The following SI variants were observed in gnomAD, a reference collection of about 807,000 sequenced individuals.
SI encodes sucrase-isomaltase, also known as sucrase-isomaltase, intestinal.
Under a neutral mutation model 253.3 loss-of-function variants are expected in SI, and 235 were observed. The observed-to-expected ratio is 0.93, with a 90% CI of 0.83 to 1.03. The LOEUF is 1.03. SI is among the 50% of genes least tolerant of loss of function. SI has a pLI of 0.00. For missense variants in SI, 2,442 were observed against 2,211.1 expected (o/e 1.10, Z -2.09); for synonymous variants, 819 against 712.0 (o/e 1.15, Z -2.39).
At position 165,018,192 on chromosome 3, in the gene SI, A is replaced by G. The variant is rs1457393455; in HGVS notation, c.3424-126T>C. The G allele has an allele frequency of 4.5e-6, 3 of 660,184 alleles. No individual in the cohort carries two copies. The African/African-American group carries it at 5.4e-5, about 12-fold the overall frequency. The allele number at this position is 660,184 out of a possible 1,614,324, so 40.9% of individuals were successfully genotyped here. ...TTAAATTCCCGTTTCCCAACCTTAA[A>G]CTATGCTTCAGTTAAAATAAATGTG... On this transcript the variant is annotated intron_variant, in intron 28 of 47. Transcript: ENST00000264382.
At chr3:165,009,495 C>T (rs1718671598) in intron 34 of SI, 100 bp from the exon 35 acceptor site, 3 of 739,718 alleles carry the variant, frequency 4.1e-6, no homozygotes, top group Non-Finnish European at 7.4e-6. Context: ...TCATGTATGA[C>T]TGATAATGAA....
At chr3:165,076,041 A>C in intron 1 of SI, 29 bp from the exon 2 acceptor site, 3 of 1,375,848 alleles carry the variant, frequency 2.2e-6, no homozygotes, top group Non-Finnish European at 3.0e-6. Context: ...ATATATTTAA[A>C]ATGTAAAATA....
Position 165,069,214 on chromosome 3 carries a change from A to G in SI, c.256-19T>C, listed in dbSNP as rs1393745267. On this transcript the variant is annotated intron_variant, in intron 3 of 47. Coordinates refer to ENST00000264382, the MANE Select transcript of SI (RefSeq NM_001041.4). ...AAATTCCCTGATAAAATATTTTTAA[A>G]GGAATTATATAATTACTACTATTAT... 5 of 1,473,910 alleles carry G rather than the reference A, an allele frequency of 3.4e-6. No individual in the cohort carries two copies. The highest frequency in any genetic ancestry group is 4.7e-6 in the Non-Finnish European group (5 of 1,053,682). 91.3% of individuals were successfully genotyped at this position (1,473,910 alleles called of 1,614,324 possible).
chr3:165,014,760 G>A (rs937942753), intron 33 of SI, among the ~76,000 whole-genome samples: 2 of 152,062 alleles, frequency 1.3e-5, no homozygotes, highest in African/African-American at 4.8e-5. Context: ...GTCAAAACAT[G>A]TTGTTGCTAC....
intron 37 of SI, among the ~76,000 whole-genome samples, chr3:165,003,399 C>A (rs148556012): frequency 6.6e-6 from 1 of 152,008 alleles, no homozygotes; most frequent in South Asian, 2.1e-4. Context: ...ATATTGTGTT[C>A]CAGCAGGGTT....
chr3:165,036,784 A>G (rs1296428602), intron 21 of SI, among the ~76,000 whole-genome samples: 1 of 151,878 alleles, frequency 6.6e-6, no homozygotes, highest in Non-Finnish European at 1.5e-5. Context: ...AATTCAAACA[A>G]GAAAAATTAA....
At position 165,021,293 on chromosome 3, in the gene SI, C is replaced by A; in HGVS notation, c.3190G>T (p.Asp1064Tyr). The change falls in exon 27 of 48, where the codon GAT becomes TAT. Residue 1064 changes from aspartate (D) to tyrosine (Y), a missense_variant. Coordinates refer to ENST00000264382, the MANE Select transcript of SI (RefSeq NM_001041.4). ...AAAGGATTTTCCTTGATTTCCACAT[C>A]ATAAAGTCTGTCTTCATAAGTACTT... ...PISTYEDRLY[D>Y]VEIKENPFGI... 6.2e-7 allele frequency: 1 copy of A among 1,611,538 alleles called. No individual in the cohort carries two copies. The highest frequency in any genetic ancestry group is 1.3e-5 in the African/African-American group (1 of 74,866).
At chr3:164,989,352 A>AGAAGAAAGAAAGAAAG (rs1559977981) in intron 44 of SI, among the ~76,000 whole-genome samples, 2 of 143,234 alleles carry the variant, frequency 1.4e-5, no homozygotes, top group African/African-American at 5.3e-5. Flanking sequence ...AAAGAGAGAA[A>AGAAGAAAGAAAGAAAG]GAAGAAAGAA....
intron 13 of SI, among the ~76,000 whole-genome samples, chr3:165,054,091 T>C (rs1245305517): frequency 6.6e-6 from 1 of 152,132 alleles, no homozygotes; most frequent in Non-Finnish European, 1.5e-5. Context: ...ACAACATGTC[T>C]GATAGATACA....
At chr3:164,991,314 C>G in intron 44 of SI, 39 bp downstream of exon 44, 2 of 1,611,738 alleles carry the variant, frequency 1.2e-6, no homozygotes, top group African/African-American at 2.7e-5. Flanking sequence ...CATGATGTAT[C>G]TCAAAATTTA....
intron 3 of SI, 52 bp from the exon 4 acceptor site, chr3:165,069,247 C>T (rs1714418719): frequency 1.7e-6 from 2 of 1,174,548 alleles, no homozygotes; most frequent in Non-Finnish European, 2.5e-6. Context: ...TATCAGATGT[C>T]CCAGTCTCTG....
chr3:165,064,970 A>T (rs1283665695), intron 7 of SI, among the ~76,000 whole-genome samples: 1 of 152,118 alleles, frequency 6.6e-6, no homozygotes, highest in East Asian at 1.9e-4. Context: ...ATTGATGGAT[A>T]TAAGTACAAG....
In SI at chr3:164,994,377, G is replaced by C. The variant is rs139908762; in HGVS notation, c.4721C>G (p.Thr1574Ser). The change falls in exon 41 of 48, where the codon ACT becomes AGT. Residue 1574 changes from threonine (T) to serine (S), a missense_variant. Transcript: ENST00000264382. ...RRQDPASWNE[T>S]FAEMSRNILN... Reference sequence around the variant, plus strand: ...AATATTCCTTGACATTTCAGCAAAAGTTTCATTCCAGGAAGCGGGATCTTG... The same window carrying C: ...AATATTCCTTGACATTTCAGCAAAACTTTCATTCCAGGAAGCGGGATCTTG... 2.6e-4 allele frequency: 422 copies of C among 1,611,080 alleles called. 3 individuals are homozygous for C. The African/African-American group carries it at 5.1e-3, about 19-fold the overall frequency.
At chr3:165,017,227 G>A (rs1719080409) in intron 31 of SI, among the ~76,000 whole-genome samples, 2 of 151,826 alleles carry the variant, frequency 1.3e-5, no homozygotes, top group Non-Finnish European at 2.9e-5. Flanking sequence ...ATATTTCTGT[G>A]AACTTTAACA....
At chr3:165,060,190 T>C (rs979591068) in intron 9 of SI, among the ~76,000 whole-genome samples, 163 bp from the exon 10 acceptor site, 1 of 152,080 alleles carries the variant, frequency 6.6e-6, no homozygotes, top group East Asian at 1.9e-4. Flanking sequence ...AACAATTTCC[T>C]ATTCTATTTG....
At chr3:165,083,529 C>A in the SI span, among the ~76,000 whole-genome samples, 1 of 151,946 alleles carries the variant, frequency 6.6e-6, no homozygotes, top group African/African-American at 2.4e-5. Flanking sequence ...TCACCTTCTT[C>A]TGAATAGTAA....
intron 3 of SI, among the ~76,000 whole-genome samples, chr3:165,070,376 G>GTA (rs1447694253): frequency 1.4e-5 from 2 of 144,834 alleles, no homozygotes; most frequent in Non-Finnish European, 3.0e-5. Context: ...GTGTGTGTGT[G>GTA]TGTGTTTGAG....
intron 12 of SI, 49 bp from the exon 13 acceptor site, chr3:165,055,356 A>C: frequency 1.0e-6 from 1 of 993,514 alleles, no homozygotes; most frequent in Non-Finnish European, 1.6e-6. Context: ...AGAAAAATAA[A>C]TAAATGGAAT....
At chr3:165,020,634 C>A (rs1166588986) in intron 27 of SI, among the ~76,000 whole-genome samples, 2 of 151,404 alleles carry the variant, frequency 1.3e-5, no homozygotes, top group Non-Finnish European at 3.0e-5. Flanking sequence ...TACCAGAAAA[C>A]ATCCTGATAA....
Sources: allele counts gnomAD v4.1 joint callset (sites outside exome capture counted in the v4.1 genomes callset), GRCh38; gene constraint gnomAD v4.1.1; transcripts MANE v1.5; gene names NCBI Gene and HGNC (gene_info 2026-07-23, HGNC 2026-07-21).